The following PIK3CB variants were observed in gnomAD, a reference collection of about 807,000 sequenced individuals.
The protein encoded by PIK3CB is phosphatidylinositol-4,5-bisphosphate 3-kinase catalytic subunit beta, also known as phosphatidylinositol 4,5-bisphosphate 3-kinase catalytic subunit beta isoform.
Under a neutral mutation model 136.8 loss-of-function variants are expected in PIK3CB, and 39 were observed. The ratio of observed to expected loss-of-function variants is 0.29; its 90% confidence interval spans 0.22 to 0.37. The LOEUF (loss-of-function observed/expected upper bound fraction) is 0.37, where lower values mean the gene tolerates loss of function less well. PIK3CB is among the 10% of genes least tolerant of loss of function. The pLI is 1.00. For synonymous variants in PIK3CB, 428 were observed against 436.6 expected (o/e 0.98, Z 0.25); for missense variants, 868 against 1,275.4 (o/e 0.68, Z 4.87).
At chr3:138,806,328 A>G (rs914500494) in intron 1 of PIK3CB, among the ~76,000 whole-genome samples, 1 of 152,090 alleles carries the variant, frequency 6.6e-6, no homozygotes, top group Admixed American at 6.6e-5. Context: ...TCAACTAAAA[A>G]TACAAAAATT....
intron 11 of PIK3CB, 49 bp downstream of exon 11, chr3:138,707,110 G>C (rs772064897): frequency 9.1e-7 from 1 of 1,104,526 alleles, no homozygotes; most frequent in Non-Finnish European, 1.4e-6. Flanking sequence ...TAGAGGAACT[G>C]ATCATTCAAT....
At chr3:138,803,889 TC>T (rs1246208820) in intron 1 of PIK3CB, among the ~76,000 whole-genome samples, 1 of 152,166 alleles carries the variant, frequency 6.6e-6, no homozygotes, top group East Asian at 1.9e-4. Flanking sequence ...AATTTGACAT[TC>T]CAAAGATGTG....
At chr3:138,789,648 C>CA (rs1438719651) in intron 2 of PIK3CB, among the ~76,000 whole-genome samples, 22 of 149,284 alleles carry the variant, frequency 1.5e-4, no homozygotes, top group Admixed American at 8.7e-4. Context: ...GATACATAGA[C>CA]AAAAAAAATG....
At chr3:138,761,843 G>A (rs1486016164) in intron 2 of PIK3CB, among the ~76,000 whole-genome samples, 5 of 152,138 alleles carry the variant, frequency 3.3e-5, no homozygotes, top group Non-Finnish European at 4.4e-5. Context: ...GGGAGGCTGA[G>A]GCAGAAGAAT....
intron 18 of PIK3CB, 49 bp downstream of exon 18, chr3:138,683,629 A>G (rs1424146607): frequency 4.0e-6 from 4 of 1,010,898 alleles, no homozygotes; most frequent in Non-Finnish European, 3.1e-6. Context: ...CAAAATGGCA[A>G]CAAATGAAAA....
At chr3:138,826,107 G>C in intron 1 of PIK3CB, 1 of 1,038,618 alleles carries the variant, frequency 9.6e-7, no homozygotes, top group Non-Finnish European at 1.5e-6. Flanking sequence ...GAAGCTGGAA[G>C]ATGGCCCTAA....
At chr3:138,745,780 C>G (rs1161372814) in intron 4 of PIK3CB, among the ~76,000 whole-genome samples, 1 of 152,140 alleles carries the variant, frequency 6.6e-6, no homozygotes, top group Non-Finnish European at 1.5e-5. Context: ...TTTTTCCCTT[C>G]GAGGCTTGGG....
chr3:138,690,195 T>C (rs1271030879), intron 15 of PIK3CB, among the ~76,000 whole-genome samples: 1 of 150,660 alleles, frequency 6.6e-6, no homozygotes, highest in Non-Finnish European at 1.5e-5. Flanking sequence ...CACAACATTA[T>C]AGAGCTTATT....
In PIK3CB at chr3:138,714,717, A is replaced by C. The variant is rs2044572598; in HGVS notation, c.1053T>G (p.Val351=). Residue 351 remains valine, a splice_region_variant and synonymous_variant, in exon 9 of 24, where the codon GTT becomes GTG. Transcript: ENST00000674063. ...NKLNTEETVK[V]HVRAGLFHGT... is the part of the protein sequence containing the mutation. ...CATGAAAAAGACCAGCCCTGACATG[A>C]ACCTGTAACGAAGCAGACAAAAACA... 2 of 1,593,392 alleles carry C rather than the reference A, an allele frequency of 1.3e-6. No individual in the cohort carries two copies. The highest frequency in any genetic ancestry group is 1.8e-5 in the Admixed American group (1 of 54,952).
intron 2 of PIK3CB, among the ~76,000 whole-genome samples, chr3:138,776,982 A>T (rs73229584): frequency 2.0e-5 from 3 of 151,834 alleles, no homozygotes; most frequent in East Asian, 1.9e-4. Flanking sequence ...AAAGTAGCTT[A>T]AAAAAATTGT....
chr3:138,685,300 A>G (rs1417952416), intron 16 of PIK3CB, among the ~76,000 whole-genome samples: 2 of 149,528 alleles, frequency 1.3e-5, no homozygotes, highest in Non-Finnish European at 1.5e-5. Context: ...AGGCTGAGGC[A>G]TAAGAATCGC....
chr3:138,739,915 A>T (rs114589917), intron 5 of PIK3CB, among the ~76,000 whole-genome samples: 2,358 of 150,682 alleles, frequency 0.016, 48 homozygotes, highest in Middle Eastern at 0.049. Flanking sequence ...ATAAAAAAAA[A>T]AAAAATAAAA....
At chr3:138,759,800 T>C (rs960142680) in intron 2 of PIK3CB, among the ~76,000 whole-genome samples, 5 of 152,200 alleles carry the variant, frequency 3.3e-5, no homozygotes, top group Non-Finnish European at 5.9e-5. Flanking sequence ...CCAAACTTTA[T>C]TTAGAAAATA....
intron 1 of PIK3CB, among the ~76,000 whole-genome samples, chr3:138,802,202 C>T (rs1445497753): frequency 5.2e-5 from 7 of 133,400 alleles, no homozygotes; most frequent in South Asian, 2.7e-4. Flanking sequence ...AGTGAAACCC[C>T]GTCTCTACTA....
At chr3:138,826,427 A>G in intron 1 of PIK3CB, 1 of 997,394 alleles carries the variant, frequency 1.0e-6, no homozygotes, top group South Asian at 1.5e-5. Flanking sequence ...TTAATAGTAA[A>G]TGACTGGTTA....
intron 7 of PIK3CB, 81 bp from the exon 8 acceptor site, chr3:138,733,519 T>C: frequency 3.0e-6 from 2 of 674,884 alleles, no homozygotes; most frequent in Non-Finnish European, 5.0e-6. Context: ...TGTCATCAGT[T>C]CTAATGTCTA....
At chr3:138,779,848 A>C (rs2045904130) in intron 2 of PIK3CB, among the ~76,000 whole-genome samples, 1 of 151,928 alleles carries the variant, frequency 6.6e-6, no homozygotes, top group South Asian at 2.1e-4. Flanking sequence ...TTCTTATGAG[A>C]AATATTTTCT....
chr3:138,671,812 T>C (rs1275541235), intron 19 of PIK3CB, among the ~76,000 whole-genome samples: 1 of 152,294 alleles, frequency 6.6e-6, no homozygotes, highest in Non-Finnish European at 1.5e-5. Flanking sequence ...CTGACGCAAG[T>C]CCTGCCTCTG....
At chr3:138,813,335 A>C (rs1005145695) in intron 1 of PIK3CB, among the ~76,000 whole-genome samples, 6 of 152,086 alleles carry the variant, frequency 3.9e-5, no homozygotes, top group Admixed American at 1.3e-4. Context: ...AAAACCTCAG[A>C]GTCAAAGCTT....
Sources: gnomAD v4.1 joint callset for allele counts (sites outside exome capture counted in the v4.1 genomes callset) on GRCh38, gnomAD v4.1.1 for gene constraint, MANE v1.5 for transcripts, NCBI Gene and HGNC (gene_info 2026-07-23, HGNC 2026-07-21) for gene names.